Variants in NDUFS7 observed in about 807,000 individuals in gnomAD.
The protein encoded by NDUFS7 is NADH:ubiquinone oxidoreductase core subunit S7, also known as NADH dehydrogenase [ubiquinone] iron-sulfur protein 7, mitochondrial.
Under a neutral mutation model 31.1 loss-of-function variants are expected in NDUFS7, and 11 were observed. The observed-to-expected ratio is 0.35, with a 90% confidence interval of 0.22 to 0.59. The LOEUF is 0.59. Among genes scored for constraint, NDUFS7 ranks in the 20% least tolerant of loss-of-function variants. NDUFS7 has a pLI of 0.79. For missense variants in NDUFS7, 263 were observed against 324.2 expected, an observed-to-expected ratio of 0.81 and a Z score of 1.45; for synonymous variants, 136 against 127.9, an observed-to-expected ratio of 1.06 and a Z score of -0.43.
chr19:1,389,907 CTTT>C (rs531607907), intron 4 of NDUFS7: 126 of 180,336 alleles, frequency 7.0e-4, no homozygotes, highest in Middle Eastern at 2.2e-3. Context: ...CTTTTCTTTT[CTTT>C]TTTTTTTTTT....
chr19:1,394,932 A>G, intron 7 of NDUFS7: 1 of 1,116,010 alleles, frequency 9.0e-7, no homozygotes, highest in Non-Finnish European at 1.1e-6. Context: ...GGGGCTCAGA[A>G]AGAGGGTCAT....
chr19:1,385,485 C>G (rs1174030194), intron 1 of NDUFS7, among the ~76,000 whole-genome samples: 1 of 151,336 alleles, frequency 6.6e-6, no homozygotes. Context: ...TGCACTCCAT[C>G]CTGGGCAACA....
chr19:1,394,364 T>G, intron 7 of NDUFS7: 3 of 1,288,890 alleles, frequency 2.3e-6, no homozygotes, highest in Non-Finnish European at 3.0e-6. Flanking sequence ...TCCCCTGCAG[T>G]GCAGACCAAT....
chr19:1,391,006 G>A lies in NDUFS7; in HGVS notation c.364G>A (p.Val122Met), dbSNP rs104894705. 8.5e-5 allele frequency: 137 copies of A among 1,613,212 alleles called. No homozygotes were observed. Among genetic ancestry groups the A allele is most frequent in the Non-Finnish European group, 1.1e-4 (132 of 1,179,918 alleles). The change falls in exon 5 of 8, where the codon GTG (valine) becomes ATG (methionine). Residue 122 changes from valine (V) to methionine (M), a missense_variant. Coordinates refer to ENST00000233627, the MANE Select transcript of NDUFS7 (RefSeq NM_024407.5). Reference sequence around the variant, plus strand: ...CCCGCGCCAGTCCGACGTCATGATCGTGGCCGGCACACTCACCAACAAGAT... The same window carrying A: ...CCCGCGCCAGTCCGACGTCATGATCATGGCCGGCACACTCACCAACAAGAT... ...ASPRQSDVMI[V>M]AGTLTNKMAP...
chr19:1,389,308 C>T (rs749492019), intron 4 of NDUFS7: 1 of 482,380 alleles, frequency 2.1e-6, no homozygotes, highest in Non-Finnish European at 4.1e-6. Context: ...TATGCACAGT[C>T]ATGCACACAC....
chr19:1,389,517 C>G (rs1451783469), intron 4 of NDUFS7: 2 of 457,276 alleles, frequency 4.4e-6, no homozygotes, highest in Non-Finnish European at 8.8e-6. Context: ...CTGGAGATGA[C>G]CCCTCCGTTT....
At chr19:1,389,160 T>TGCACACTTGCACACACATGCACACAC in intron 4 of NDUFS7, 1 of 698,006 alleles carries the variant, frequency 1.4e-6, no homozygotes, top group Non-Finnish European at 2.6e-6. Context: ...CTCGCACACA[T>TGCACACTTGCACACACATGCACACAC]GCACACTTGC....
chr19:1,388,679 G>C (rs960390737), intron 3 of NDUFS7, 86 bp downstream of exon 3: 1 of 1,476,678 alleles, frequency 6.8e-7, no homozygotes. Flanking sequence ...CGCAGCCACT[G>C]AGGTGCATGG....
intron 6 of NDUFS7, among the ~76,000 whole-genome samples, chr19:1,391,401 C>G (rs937752910): frequency 3.3e-5 from 5 of 152,054 alleles, no homozygotes; most frequent in Non-Finnish European, 7.4e-5. Flanking sequence ...CCGCCCAGTT[C>G]TCTGCTTTAC....
At position 1,393,345 on chromosome 19, in the gene NDUFS7, G is replaced by A. The variant is rs201420030; in HGVS notation, c.544+15G>A. ...CTACATCCCAGGTAGGGCCGGGACC[G>A]CACCGCCCACGAGGGAGCTGGAGAC... is the stretch of plus-strand genomic sequence containing the variant. On this transcript the variant is annotated intron_variant, in intron 7 of 7. Coordinates refer to ENST00000233627, the MANE Select transcript of NDUFS7 (RefSeq NM_024407.5). This position sits in a 1 kb window ranked among gnomAD's most constrained non-coding sequence, Gnocchi z 7.3. 138 of 1,556,130 alleles carry A rather than the reference G, an allele frequency of 8.9e-5. No individual in the cohort carries two copies. The East Asian group carries it at 2.1e-3, about 24-fold the overall frequency.
intron 4 of NDUFS7, 116 bp from the exon 5 acceptor site, chr19:1,390,755 C>CT (rs2082549243): frequency 8.0e-7 from 1 of 1,254,002 alleles, no homozygotes; most frequent in African/African-American, 1.5e-5. Context: ...CCTCTCACCT[C>CT]TGCCGGCTGC....
intron 4 of NDUFS7, chr19:1,390,369 CT>C (rs1425555871): frequency 9.4e-6 from 2 of 211,804 alleles, no homozygotes; most frequent in African/African-American, 4.7e-5. Flanking sequence ...CCTGCCAGGT[CT>C]CAGAGCCGCG....
chr19:1,391,373 C>T (rs749723021), intron 6 of NDUFS7, among the ~76,000 whole-genome samples: 25 of 152,304 alleles, frequency 1.6e-4, no homozygotes, highest in South Asian at 6.2e-4. Flanking sequence ...TCCACCCCCA[C>T]GCAGCAGACC....
Position 1,393,681 on chromosome 19 carries a change from G to A in NDUFS7, c.544+351G>A, listed in dbSNP as rs143668663. On this transcript the variant is annotated intron_variant, in intron 7 of 7. Coordinates refer to ENST00000233627, the MANE Select transcript of NDUFS7 (RefSeq NM_024407.5). The surrounding 1 kb of genome is among the most constrained non-coding windows in gnomAD (Gnocchi z 7.3). ...CTGGGGGCCAAGGACACTGTCCCGC[G>A]CCCTCAGCCTTACAGAAGGGCACGC... 953 of 583,288 alleles carry A rather than the reference G, an allele frequency of 1.6e-3. 4 individuals carry two copies. Among genetic ancestry groups the A allele is most frequent in the Middle Eastern group, 2.7e-3 (6 of 2,204 alleles). 36.1% of individuals were successfully genotyped at this position (583,288 alleles called of 1,614,324 possible). A position where few individuals can be genotyped will look rare whatever the true frequency, so the allele number is the denominator to read the frequency against.
At chr19:1,395,271 T>G in intron 7 of NDUFS7, 120 bp from the exon 8 acceptor site, 1 of 1,480,980 alleles carries the variant, frequency 6.8e-7, no homozygotes, top group Non-Finnish European at 9.0e-7. Flanking sequence ...CCCAGGGCTG[T>G]CAGCCTCCAC....
intron 1 of NDUFS7, chr19:1,387,120 T>TCTCGG: frequency 1.3e-5 from 2 of 154,738 alleles, no homozygotes; most frequent in Admixed American, 6.3e-5. Flanking sequence ...TCTGTGTAGA[T>TCTCGG]TGACGTGGGC....
At chr19:1,386,554 T>C (rs917808367) in intron 1 of NDUFS7, 1 of 152,308 alleles carries the variant, frequency 6.6e-6, no homozygotes, top group Admixed American at 6.5e-5. Flanking sequence ...TGGAGTGCAG[T>C]GGCGCAGCCT....
intron 7 of NDUFS7, chr19:1,395,074 C>T: frequency 7.9e-7 from 1 of 1,271,940 alleles, no homozygotes; most frequent in South Asian, 1.7e-5. Context: ...AGCGCTGGCC[C>T]CCATTGAGTC....
rs943689201 is a variant in NDUFS7 at position 1,391,038 on chromosome 19, A to G, written c.396A>G (p.Pro132=). The G allele has an allele frequency of 6.2e-7, 1 of 1,612,892 alleles. No individual in the cohort carries two copies. Among genetic ancestry groups the G allele is most frequent in the South Asian group, 1.1e-5 (1 of 91,064 alleles). The part of the protein sequence containing the change: ...VAGTLTNKMA[P]ALRKVYDQMP... Reference sequence around the variant, plus strand: ...GCACACTCACCAACAAGATGGCCCCAGCGCTTCGCAAGGTAGGCCTCGTCC... The same window carrying G: ...GCACACTCACCAACAAGATGGCCCCGGCGCTTCGCAAGGTAGGCCTCGTCC... The change falls in exon 5 of 8, where the codon CCA becomes CCG. Residue 132 remains proline, a synonymous_variant. Transcript: ENST00000233627.
Sources: allele counts gnomAD v4.1 joint callset (sites outside exome capture counted in the v4.1 genomes callset), GRCh38; gene constraint gnomAD v4.1.1; non-coding constraint Gnocchi (gnomAD v3.1); transcripts MANE v1.5; gene names NCBI Gene and HGNC (gene_info 2026-07-23, HGNC 2026-07-21).